HECW1: variants seen among roughly 807,000 people sequenced by gnomAD.
HECW1 encodes E3 ubiquitin-protein ligase HECW1.
HECW1 carries 61 observed loss-of-function variants against 182.3 expected under a neutral mutation model. The observed-to-expected ratio is 0.33, with a 90% CI of 0.27 to 0.41. HECW1 has a LOEUF of 0.41. Among genes scored for constraint, HECW1 ranks in the 10% least tolerant of loss-of-function variants. HECW1 has a pLI of 1.00. For missense variants in HECW1, 1,739 were observed against 2,108.9 expected (o/e 0.82, Z 3.44); for synonymous variants, 859 against 832.6 (o/e 1.03, Z -0.55).
At position 43,563,520 on chromosome 7, in the gene HECW1, A is replaced by G. The variant is rs1182979216; in HGVS notation, c.*1594A>G. 5.1e-6 allele frequency: 1 copy of G among 195,314 alleles called. No individual in the cohort carries two copies. The allele number at this position is 195,314 out of a possible 1,614,324, so 12.1% of individuals were successfully genotyped here. A position where few individuals can be genotyped will look rare whatever the true frequency, so the allele number is the denominator to read the frequency against. ...ACGAAGTGAATTTCATATGAAGCCA[A>G]TGGCTCATTATACCAGTTTGTGTCT... On this transcript the variant is annotated 3_prime_UTR_variant, in exon 30 of 30. Coordinates refer to ENST00000395891, the MANE Select transcript of HECW1 (RefSeq NM_015052.5).
intron 6 of HECW1, among the ~76,000 whole-genome samples, chr7:43,394,535 T>C (rs547120283): frequency 1.7e-3 from 262 of 152,216 alleles, no homozygotes; most frequent in Non-Finnish European, 2.4e-3. Flanking sequence ...GCAACTAAAA[T>C]TGGGGTTTAT....
intron 7 of HECW1, among the ~76,000 whole-genome samples, chr7:43,399,965 G>A (rs892736185): frequency 6.6e-6 from 1 of 152,160 alleles, no homozygotes; most frequent in South Asian, 2.1e-4. Flanking sequence ...GCCAGGCATG[G>A]TGGCTCATAC....
At chr7:43,485,766 C>G (rs963645133) in intron 17 of HECW1, among the ~76,000 whole-genome samples, 4 of 152,152 alleles carry the variant, frequency 2.6e-5, no homozygotes, top group Non-Finnish European at 4.4e-5. Flanking sequence ...ACGGAAGTGG[C>G]TCTGGGTGAG....
chr7:43,524,451 A>G (rs777910208), intron 24 of HECW1, among the ~76,000 whole-genome samples: 11 of 152,250 alleles, frequency 7.2e-5, no homozygotes, highest in Non-Finnish European at 1.6e-4. Flanking sequence ...AGGTTGAGAA[A>G]GGATAATTAT....
At chr7:43,187,819 G>A (rs148087403) in intron 2 of HECW1, among the ~76,000 whole-genome samples, 83 of 152,190 alleles carry the variant, frequency 5.5e-4, no homozygotes, top group African/African-American at 2.0e-3. Context: ...ACATTTAGAG[G>A]TAGATGGGAG....
intron 5 of HECW1, among the ~76,000 whole-genome samples, chr7:43,333,818 C>T (rs1811793453): frequency 6.6e-6 from 1 of 152,146 alleles, no homozygotes; most frequent in Non-Finnish European, 1.5e-5. Flanking sequence ...AGGGAGATAA[C>T]AGAGTCAACT....
chr7:43,451,758 T>C (rs2077243042), intron 12 of HECW1, among the ~76,000 whole-genome samples: 1 of 152,240 alleles, frequency 6.6e-6, no homozygotes, highest in South Asian at 2.1e-4. Context: ...CATATGTTCA[T>C]GAATTCTAGA....
intron 2 of HECW1, among the ~76,000 whole-genome samples, chr7:43,242,734 G>A (rs563166182): frequency 1.3e-5 from 2 of 152,128 alleles, no homozygotes; most frequent in Non-Finnish European, 2.9e-5. Context: ...CTCCAAGGAG[G>A]AAGGCAGTGC....
rs1018235080 is a variant in HECW1, at chr7:43,243,341, C to T, written c.-31-534C>T. ...AAGTTTATTGTGGTGACAGTCACTC[C>T]GCAGGACAACAAGTGGAAGGGGATG... On this transcript the variant is annotated intron_variant, in intron 2 of 29. Transcript: ENST00000395891. The surrounding 1 kb of genome is among the most constrained non-coding windows in gnomAD (Gnocchi z 4.0). Among the ~76,000 whole-genome samples, 2 of 151,902 alleles carry T rather than the reference C, an allele frequency of 1.3e-5. No homozygotes were observed. Among genetic ancestry groups the T allele is most frequent in the African/African-American group, 2.4e-5 (1 of 41,206 alleles).
At chr7:43,514,299 T>C (rs1198631485) in intron 24 of HECW1, among the ~76,000 whole-genome samples, 1 of 139,428 alleles carries the variant, frequency 7.2e-6, no homozygotes, top group Non-Finnish European at 1.6e-5. Context: ...TTCTTTTCTT[T>C]TCTTTTTTTT....
chr7:43,220,386 GT>G (rs1262601440), intron 2 of HECW1, among the ~76,000 whole-genome samples: 9 of 152,168 alleles, frequency 5.9e-5, no homozygotes, highest in African/African-American at 2.2e-4. Flanking sequence ...TGTTATTGGA[GT>G]TTCATATGAA....
chr7:43,204,734 G>C (rs1399445459), intron 2 of HECW1, among the ~76,000 whole-genome samples: 1 of 152,326 alleles, frequency 6.6e-6, no homozygotes, highest in Non-Finnish European at 1.5e-5. Context: ...AGGAAGGTAA[G>C]GGGGTGGTCT....
At chr7:43,268,079 C>A (rs886166027) in intron 3 of HECW1, among the ~76,000 whole-genome samples, 23 of 152,164 alleles carry the variant, frequency 1.5e-4, no homozygotes, top group African/African-American at 5.6e-4. Flanking sequence ...TCAAAACCAA[C>A]AACTTATAAT....
chr7:43,382,762 A>T (rs954054111), intron 6 of HECW1, among the ~76,000 whole-genome samples: 2 of 152,200 alleles, frequency 1.3e-5, no homozygotes, highest in African/African-American at 4.8e-5. Context: ...ATGATGACTG[A>T]AATGTGGATT....
At chr7:43,160,861 C>T (rs1410062797) in intron 2 of HECW1, among the ~76,000 whole-genome samples, 1 of 152,120 alleles carries the variant, frequency 6.6e-6, no homozygotes, top group Non-Finnish European at 1.5e-5. Context: ...TCTACTGTTC[C>T]CGCCCGCTGT....
At chr7:43,518,040 T>C (rs940300420) in intron 24 of HECW1, among the ~76,000 whole-genome samples, 1 of 151,990 alleles carries the variant, frequency 6.6e-6, no homozygotes, top group Admixed American at 6.6e-5. Flanking sequence ...ACTTTGAAAA[T>C]ACGTGAAAAA....
rs571468115 is a variant in HECW1 at position 43,548,354 on chromosome 7, GA to G, written c.4249-2084del. 4.0e-5 allele frequency among the ~76,000 whole-genome samples: 6 copies of G among 151,818 alleles called. No individual in the cohort carries two copies. In the East Asian group the frequency reaches 9.7e-4, roughly 25 times the overall value. On this transcript the variant is annotated intron_variant, in intron 26 of 29. Coordinates refer to ENST00000395891, the MANE Select transcript of HECW1 (RefSeq NM_015052.5). ...CAAAAAAATTCCCAATATATTTATTGAAAAAAATCCATGTACGAGTGGACCC... is the reference window on the plus strand; with the variant it reads ...CAAAAAAATTCCCAATATATTTATTGAAAAAATCCATGTACGAGTGGACCC...
chr7:43,114,164 T>A lies in HECW1; in HGVS notation c.-259T>A, dbSNP rs1784860443. On this transcript the variant is annotated 5_prime_UTR_variant, in exon 2 of 30. The change abolishes an upstream ATG in the 5' untranslated region. Coordinates refer to ENST00000395891, the MANE Select transcript of HECW1 (RefSeq NM_015052.5). ...CCCCTTCTCTTTGAAAAGATATCAA[T>A]GCTATGTTCAGCAGAAACGGATACA... 3 of 1,061,886 alleles carry A rather than the reference T, an allele frequency of 2.8e-6. No individual in the cohort carries two copies. The highest frequency in any genetic ancestry group is 6.1e-5 in the Admixed American group (2 of 33,054). The allele number at this position is 1,061,886 out of a possible 1,614,324, so 65.8% of individuals were successfully genotyped here. A position where few individuals can be genotyped will look rare whatever the true frequency, so the allele number is the denominator to read the frequency against.
intron 5 of HECW1, among the ~76,000 whole-genome samples, chr7:43,353,370 G>A (rs929734381): frequency 5.9e-5 from 9 of 152,142 alleles, no homozygotes; most frequent in East Asian, 3.9e-4. Flanking sequence ...TAAAATACTC[G>A]TTTAAGAAAA....
Sources: gnomAD v4.1 joint callset for allele counts (sites outside exome capture counted in the v4.1 genomes callset) on GRCh38, gnomAD v4.1.1 for gene constraint, Gnocchi (gnomAD v3.1) non-coding constraint, MANE v1.5 for transcripts, NCBI Gene and HGNC (gene_info 2026-07-23, HGNC 2026-07-21) for gene names.